Variants in SNX1 observed in about 807,000 individuals in gnomAD.
The protein encoded by SNX1 is sorting nexin 1.
In SNX1, 36 loss-of-function variants were observed where a neutral mutation model predicts 71.8. The ratio of observed to expected loss-of-function variants is 0.50; its 90% confidence interval spans 0.38 to 0.66. SNX1 has a LOEUF of 0.66. SNX1 is among the 30% of genes least tolerant of loss of function. The pLI, the probability that SNX1 is intolerant of heterozygous loss-of-function variation, is 0.00. For missense variants in SNX1, 612 were observed against 646.7 expected, an observed-to-expected ratio of 0.95 and a Z score of 0.58; for synonymous variants, 254 against 240.7, an observed-to-expected ratio of 1.06 and a Z score of -0.51.
In SNX1 at chr15:64,127,201, A is replaced by G; in HGVS notation, c.680A>G (p.Glu227Gly). 1 of 1,613,834 alleles carries G rather than the reference A, an allele frequency of 6.2e-7. No homozygotes were observed. The highest frequency in any genetic ancestry group is 8.5e-7 in the Non-Finnish European group (1 of 1,179,852). ...IGMTKVKVGKEDSSSAEFLEK... is the reference protein window; with the variant it reads ...IGMTKVKVGKGDSSSAEFLEK... ...ATGACAAAAGTGAAAGTTGGGAAGGAAGATTCTTCTTCTGCAGAATTTCTT... is the reference window on the plus strand; with the variant it reads ...ATGACAAAAGTGAAAGTTGGGAAGGGAGATTCTTCTTCTGCAGAATTTCTT... The change falls in exon 7 of 15, where the codon GAA becomes GGA. Residue 227 changes from glutamate (E) to glycine (G), a missense_variant. Physicochemically the swap from Glu to Gly is moderately conservative, Grantham distance 98. Coordinates refer to ENST00000559844, the MANE Select transcript of SNX1 (RefSeq NM_003099.5).
At position 64,137,588 on chromosome 15, in the gene SNX1, C is replaced by G; in HGVS notation, c.1539C>G (p.Ala513=). The change falls in exon 15 of 15, where the codon GCC becomes GCG. Residue 513 remains alanine (A), a synonymous_variant. Transcript: ENST00000559844. ...TGCAGCTGGCAAAGTACTGGGAAGC[C>G]TTCCTTCCTGAGGCAAAGGCCATCT... ...SQQQLAKYWE[A]FLPEAKAIS is the part of the protein sequence containing the mutation. 1 of 1,614,166 alleles carries G rather than the reference C, an allele frequency of 6.2e-7. No individual in the cohort carries two copies. Among genetic ancestry groups the G allele is most frequent in the Non-Finnish European group, 8.5e-7 (1 of 1,180,004 alleles).
chr15:64,128,134 C>G, intron 8 of SNX1, among the ~76,000 whole-genome samples: 1 of 152,194 alleles, frequency 6.6e-6, no homozygotes, highest in African/African-American at 2.4e-5. Context: ...CCAGGCGGGT[C>G]ACTGGTTAAC....
chr15:64,133,562 T>C (rs1596006419), intron 11 of SNX1, among the ~76,000 whole-genome samples: 1 of 152,248 alleles, frequency 6.6e-6, no homozygotes, highest in African/African-American at 2.4e-5. Context: ...AAACCCCATC[T>C]CTACTAAAAA....
At chr15:64,101,193 A>C (rs1010034757) in intron 1 of SNX1, among the ~76,000 whole-genome samples, 1 of 152,256 alleles carries the variant, frequency 6.6e-6, no homozygotes, top group African/African-American at 2.4e-5. Flanking sequence ...TAGTAGCACT[A>C]AGTATATTCA....
In SNX1 at chr15:64,136,271, GA is replaced by G. The variant is rs1421193470; in HGVS notation, c.1366-57del. On this transcript the variant is annotated intron_variant, in intron 12 of 14. Transcript: ENST00000559844. ...ATATGTAAAATCGCTGTCCAAATGT[GA>G]AGGCTTAATAATGGTGCCATAATAT... 36 of 1,364,694 alleles carry G rather than the reference GA, an allele frequency of 2.6e-5. 1 individual carries two copies. In the African/African-American group the frequency reaches 4.7e-4, roughly 18 times the overall value. The allele number at this position is 1,364,694 out of a possible 1,614,324, so 84.5% of individuals were successfully genotyped here. A position where few individuals can be genotyped will look rare whatever the true frequency, so the allele number is the denominator to read the frequency against.
intron 11 of SNX1, chr15:64,132,517 GT>G (rs2081317512): frequency 6.4e-6 from 1 of 155,772 alleles, no homozygotes; most frequent in Admixed American, 6.2e-5. Context: ...AAGCAGTGTG[GT>G]TTCCCCGTGA....
At chr15:64,108,186 C>G (rs1473309307) in intron 1 of SNX1, among the ~76,000 whole-genome samples, 1 of 147,244 alleles carries the variant, frequency 6.8e-6, no homozygotes, top group African/African-American at 2.5e-5. Context: ...GAGTGAGACT[C>G]TGTCTCAAAA....
At position 64,137,827 on chromosome 15, in the gene SNX1, G is replaced by C; in HGVS notation, c.*209G>C. The C allele has an allele frequency of 7.1e-7, 1 of 1,416,270 alleles. No individual in the cohort carries two copies. The highest frequency in any genetic ancestry group is 9.2e-7 in the Non-Finnish European group (1 of 1,087,718). The allele number at this position is 1,416,270 out of a possible 1,614,324, so 87.7% of individuals were successfully genotyped here. On this transcript the variant is annotated 3_prime_UTR_variant, in exon 15 of 15. Transcript: ENST00000559844. Reference sequence around the variant, plus strand: ...TTCTTACCTAAGAGAATAGTTTCCTGCTTTAAGCAAAAGACCTACAATAGG... The same window carrying C: ...TTCTTACCTAAGAGAATAGTTTCCTCCTTTAAGCAAAAGACCTACAATAGG...
At chr15:64,102,290 T>A (rs1387879407) in intron 1 of SNX1, among the ~76,000 whole-genome samples, 1 of 152,222 alleles carries the variant, frequency 6.6e-6, no homozygotes, top group Non-Finnish European at 1.5e-5. Flanking sequence ...GTTGTACATA[T>A]TTTTAGGATA....
At chr15:64,096,626 G>A (rs546060190) in intron 1 of SNX1, among the ~76,000 whole-genome samples, 88 of 152,294 alleles carry the variant, frequency 5.8e-4, no homozygotes, top group African/African-American at 2.0e-3. Flanking sequence ...TCTTTCTTTA[G>A]CCCAGCATTT....
intron 1 of SNX1, among the ~76,000 whole-genome samples, chr15:64,108,057 G>A (rs2081040697): frequency 6.6e-6 from 1 of 152,168 alleles, no homozygotes; most frequent in Non-Finnish European, 1.5e-5. Flanking sequence ...GCCCGGCGTA[G>A]TGGTGGGCGC....
rs1263750195 is a variant in SNX1 at position 64,139,600 on chromosome 15, GAGA to G, written c.*1989_*1991del. On this transcript the variant is annotated 3_prime_UTR_variant, in exon 15 of 15. Coordinates refer to ENST00000559844, the MANE Select transcript of SNX1 (RefSeq NM_003099.5). ...CTAAGAACAGGACATTCTCTTCTAA[GAGA>G]AGAAGAGAATTACTTTAAGCATTAT... 4 of 130,970 alleles carry G rather than the reference GAGA, an allele frequency of 3.1e-5. No homozygotes were observed. Among genetic ancestry groups the G allele is most frequent in the Admixed American group, 8.2e-5 (1 of 12,190 alleles). The allele number at this position is 130,970 out of a possible 1,614,324, so 8.1% of individuals were successfully genotyped here. A position where few individuals can be genotyped will look rare whatever the true frequency, so the allele number is the denominator to read the frequency against.
intron 8 of SNX1, among the ~76,000 whole-genome samples, chr15:64,128,877 TC>T (rs910058309): frequency 6.6e-6 from 1 of 151,918 alleles, no homozygotes; most frequent in African/African-American, 2.4e-5. Context: ...TAGCACCCCC[TC>T]CCCAGTTATA....
chr15:64,135,208 C>T (rs1001898801), intron 12 of SNX1, among the ~76,000 whole-genome samples: 1 of 151,950 alleles, frequency 6.6e-6, no homozygotes, highest in Non-Finnish European at 1.5e-5. Flanking sequence ...AGCTCTGCCT[C>T]CTGGGTTCAC....
chr15:64,134,554 C>T lies in SNX1; in HGVS notation c.1222-110C>T. ...CACTAACATGTGGCTGCAGAACCTG[C>T]CCTTGCTCAGTCTGTCCCTGGTGCA... On this transcript the variant is annotated intron_variant, in intron 11 of 14. Coordinates refer to ENST00000559844, the MANE Select transcript of SNX1 (RefSeq NM_003099.5). The surrounding 1 kb of genome is among the most constrained non-coding windows in gnomAD (Gnocchi z 4.1). The T allele has an allele frequency of 1.5e-6, 2 of 1,322,962 alleles. No individual in the cohort carries two copies. The highest frequency in any genetic ancestry group is 3.0e-5 in the African/African-American group (2 of 67,632). The allele number at this position is 1,322,962 out of a possible 1,614,324, so 82.0% of individuals were successfully genotyped here.
At chr15:64,123,935 T>A (rs1422729834) in intron 5 of SNX1, among the ~76,000 whole-genome samples, 1 of 152,026 alleles carries the variant, frequency 6.6e-6, no homozygotes, top group Admixed American at 6.5e-5. Flanking sequence ...AGTCTGCTCT[T>A]CTTTTGTATA....
In SNX1 at chr15:64,130,270, C is replaced by T. The variant is rs778221788; in HGVS notation, c.964C>T (p.Arg322Cys). ...CCAGGAGGTAGAGTGTGAGGAGCAG[C>T]GCTTACGGAAACTGCATGCTGTTGT... ...KLQEVECEEQRLRKLHAVVET... is the reference protein window; with the variant it reads ...KLQEVECEEQCLRKLHAVVET... The change falls in exon 10 of 15, where the codon CGC (arginine) becomes TGC (cysteine). Residue 322 changes from arginine (R) to cysteine (C), a missense_variant. Physicochemically the swap from Arg to Cys is radical, Grantham distance 180 (BLOSUM62 -3). Transcript: ENST00000559844. 17 of 1,614,084 alleles carry T rather than the reference C, an allele frequency of 1.1e-5. No individual in the cohort carries two copies. Among genetic ancestry groups the T allele is most frequent in the East Asian group, 2.2e-5 (1 of 44,886 alleles).
intron 12 of SNX1, among the ~76,000 whole-genome samples, chr15:64,135,799 G>A (rs1195495262): frequency 6.7e-6 from 1 of 149,678 alleles, no homozygotes; most frequent in African/African-American, 2.5e-5. Context: ...GCACACGCCT[G>A]TAGTCCTAGC....
intron 4 of SNX1, among the ~76,000 whole-genome samples, chr15:64,119,537 A>G (rs1359277506): frequency 6.6e-6 from 1 of 152,172 alleles, no homozygotes; most frequent in Non-Finnish European, 1.5e-5. Flanking sequence ...CAGCCAGGCC[A>G]ACATGGTGAA....
Sources: gnomAD v4.1 joint callset for allele counts (sites outside exome capture counted in the v4.1 genomes callset) on GRCh38, gnomAD v4.1.1 for gene constraint, Gnocchi (gnomAD v3.1) non-coding constraint, MANE v1.5 for transcripts, NCBI Gene and HGNC (gene_info 2026-07-23, HGNC 2026-07-21) for gene names.